The following UXS1 variants were observed in gnomAD, a reference collection of about 807,000 sequenced individuals.
UXS1 encodes the protein UDP-glucuronic acid decarboxylase 1.
Under a neutral mutation model 62.6 loss-of-function variants are expected in UXS1, and 33 were observed. The ratio of observed to expected loss-of-function variants is 0.53; its 90% CI spans 0.40 to 0.70. UXS1 has a LOEUF of 0.70. Among genes scored for constraint, UXS1 ranks in the 30% least tolerant of loss-of-function variants. The pLI is 0.00. For synonymous variants in UXS1, 213 were observed against 206.8 expected, an observed-to-expected ratio of 1.03 and a Z score of -0.26; for missense variants, 434 against 556.3, an observed-to-expected ratio of 0.78 and a Z score of 2.21.
intron 6 of UXS1, among the ~76,000 whole-genome samples, chr2:106,142,918 C>T (rs1180793136): frequency 1.8e-5 from 2 of 111,500 alleles, no homozygotes; most frequent in Non-Finnish European, 4.2e-5. Context: ...TGTGTGTTTG[C>T]ATGTATGTGT....
intron 6 of UXS1, among the ~76,000 whole-genome samples, chr2:106,136,989 A>AAAAAAAAAAAAAAT (rs1680705221): frequency 6.7e-6 from 1 of 149,318 alleles, no homozygotes; most frequent in African/African-American, 2.4e-5. Context: ...AAAAAAAAGA[A>AAAAAAAAAAAAAAT]AGCCAAGTCT....
chr2:106,103,676 A>G (rs1677802328), intron 11 of UXS1, among the ~76,000 whole-genome samples: 1 of 152,212 alleles, frequency 6.6e-6, no homozygotes, highest in African/African-American at 2.4e-5. Flanking sequence ...AAAGTTGGTT[A>G]TAGTACACTT....
At chr2:106,101,724 AG>A (rs1558675094) in intron 11 of UXS1, 1 of 152,410 alleles carries the variant, frequency 6.6e-6, no homozygotes, top group African/African-American at 2.4e-5. Context: ...TGAAACGGTC[AG>A]GGATATTTGG....
Position 106,104,853 on chromosome 2 carries a change from C to G in UXS1, c.880-16G>C, listed in dbSNP as rs572327442. On this transcript the variant is annotated splice_polypyrimidine_tract_variant and intron_variant, in intron 10 of 14. Coordinates refer to ENST00000283148, the MANE Select transcript of UXS1 (RefSeq NM_001253875.2). Reference sequence around the variant, plus strand: ...ATCCGTATACCTGGAAGGAAACCAACAGTTAGGCCTCCTGATAAAACCACA... The same window carrying G: ...ATCCGTATACCTGGAAGGAAACCAAGAGTTAGGCCTCCTGATAAAACCACA... 15 of 1,613,974 alleles carry G rather than the reference C, an allele frequency of 9.3e-6. No individual in the cohort carries two copies. In the African/African-American group the frequency reaches 1.3e-4, roughly 14 times the overall value.
At chr2:106,187,311 C>T (rs866757809) in intron 1 of UXS1, among the ~76,000 whole-genome samples, 1 of 152,140 alleles carries the variant, frequency 6.6e-6, no homozygotes, top group African/African-American at 2.4e-5. Context: ...ATCTCACGCT[C>T]GGGTCAGCCT....
chr2:106,148,159 A>C lies in UXS1; in HGVS notation c.292-2789T>G, dbSNP rs535982514. ...ATTACACGCTCTCTACTGCCTGTCA[A>C]TTTGTCTGGTTCGTGTTTCATCTTA... is the stretch of plus-strand genomic sequence containing the variant. On this transcript the variant is annotated intron_variant, in intron 5 of 14. Transcript: ENST00000283148. Among the ~76,000 whole-genome samples the C allele has an allele frequency of 3.9e-4, 59 of 152,328 alleles. 1 individual carries two copies. In the South Asian group the frequency reaches 0.012, roughly 30 times the overall value.
chr2:106,160,000 C>T (rs1279696357), intron 4 of UXS1: 1 of 152,202 alleles, frequency 6.6e-6, no homozygotes, highest in African/African-American at 2.4e-5. Flanking sequence ...CTTGTGAGCT[C>T]ACCGACCGTC....
At chr2:106,137,614 C>T (rs1680763290) in intron 6 of UXS1, among the ~76,000 whole-genome samples, 1 of 151,498 alleles carries the variant, frequency 6.6e-6, no homozygotes, top group Non-Finnish European at 1.5e-5. Flanking sequence ...CATGGTGAAA[C>T]CCGTCTCTAC....
At chr2:106,101,194 C>G (rs1055899762) in intron 11 of UXS1, 76 bp from the exon 12 acceptor site, 2 of 1,476,972 alleles carry the variant, frequency 1.4e-6, no homozygotes, top group African/African-American at 2.9e-5. Context: ...AGAAGCCCTC[C>G]CAGAAGAAAA....
chr2:106,156,755 A>G (rs983272694), intron 5 of UXS1, among the ~76,000 whole-genome samples: 1 of 152,208 alleles, frequency 6.6e-6, no homozygotes, highest in African/African-American at 2.4e-5. Flanking sequence ...AATAACCTGA[A>G]AAAAAGTCTG....
chr2:106,151,129 A>G (rs1681980059), intron 5 of UXS1, among the ~76,000 whole-genome samples: 1 of 152,120 alleles, frequency 6.6e-6, no homozygotes, highest in South Asian at 2.1e-4. Context: ...GCTGAAGGGG[A>G]ATTTGCCTTA....
chr2:106,141,516 G>A (rs926279374), intron 6 of UXS1, among the ~76,000 whole-genome samples: 3 of 147,784 alleles, frequency 2.0e-5, no homozygotes, highest in Admixed American at 6.7e-5. Context: ...GCTGGAGTGC[G>A]GTGCAGTCAT....
chr2:106,129,925 T>C (rs1462135075), intron 6 of UXS1, 147 bp from the exon 7 acceptor site: 2 of 556,902 alleles, frequency 3.6e-6, no homozygotes, highest in Non-Finnish European at 6.1e-6. Flanking sequence ...TAATTTACAT[T>C]TGTAATTAGG....
At chr2:106,122,635 T>TA (rs1573451688) in intron 9 of UXS1, among the ~76,000 whole-genome samples, 1 of 152,070 alleles carries the variant, frequency 6.6e-6, no homozygotes, top group South Asian at 2.1e-4. Flanking sequence ...GATAGAAAAG[T>TA]AAAAAAAGAA....
intron 9 of UXS1, among the ~76,000 whole-genome samples, chr2:106,114,233 G>A (rs1384053347): frequency 6.6e-6 from 1 of 152,202 alleles, no homozygotes; most frequent in African/African-American, 2.4e-5. Flanking sequence ...AGGCATGGAA[G>A]CACACAGTTA....
intron 5 of UXS1, among the ~76,000 whole-genome samples, chr2:106,149,098 T>G (rs1055581059): frequency 6.6e-6 from 1 of 152,178 alleles, no homozygotes; most frequent in African/African-American, 2.4e-5. Context: ...ACCAATTTAC[T>G]GAAAAGGCTT....
At chr2:106,124,044 T>C (rs950816583) in intron 8 of UXS1, among the ~76,000 whole-genome samples, 14 of 152,212 alleles carry the variant, frequency 9.2e-5, no homozygotes. Flanking sequence ...AGAAGTGTGC[T>C]GCAAAGAAAG....
At chr2:106,100,748 T>C (rs1558673446) in intron 12 of UXS1, 1 of 307,750 alleles carries the variant, frequency 3.2e-6, no homozygotes, top group African/African-American at 2.2e-5. Flanking sequence ...ACCCGCCTGT[T>C]AAATAGAGAA....
intron 10 of UXS1, among the ~76,000 whole-genome samples, chr2:106,110,395 G>C (rs962923736): frequency 6.6e-6 from 1 of 152,194 alleles, no homozygotes; most frequent in Admixed American, 6.5e-5. Flanking sequence ...CTGTGGCCAA[G>C]GAGGCACTAA....
Sources: gnomAD v4.1 joint callset for allele counts (sites outside exome capture counted in the v4.1 genomes callset) on GRCh38, gnomAD v4.1.1 for gene constraint, MANE v1.5 for transcripts, NCBI Gene and HGNC (gene_info 2026-07-23, HGNC 2026-07-21) for gene names.